LINC00632: variants seen among roughly 807,000 people sequenced by gnomAD.
LINC00632 encodes the protein long independently transcribed non-coding RNA 632, also known as ALDOA related specific transcript.
chrX:140,732,065 G>A (rs908639565), intron 2 of LINC00632, among the ~76,000 whole-genome samples: 18 of 110,917 alleles, frequency 1.6e-4, no homozygotes, highest in African/African-American at 4.6e-4. Context: ...TTAGCTGGGC[G>A]TGGTGGCAGG....
rs966161458 is a variant in LINC00632, at chrX:140,780,253, C to T, written n.8272C>T. Among the ~76,000 whole-genome samples, 6 of 111,691 alleles carry T rather than the reference C, an allele frequency of 5.4e-5. No individual in the cohort carries two copies. In the South Asian group the frequency reaches 1.5e-3, roughly 28 times the overall value. ...TATGCAACCAGAATATGAGAGTTTG[C>T]GCCTATCTTTGCAAAATTTTCACAC... On this transcript the variant is annotated non_coding_transcript_exon_variant, in exon 5 of 5. Transcript: ENST00000648200.
chrX:140,725,050 T>C (rs1285823589), intron 2 of LINC00632, among the ~76,000 whole-genome samples: 1 of 52,376 alleles, frequency 1.9e-5, no homozygotes, highest in Admixed American at 2.1e-4. Flanking sequence ...CACAGAATCA[T>C]TCCATACACA....
intron 3 of LINC00632, among the ~76,000 whole-genome samples, chrX:140,761,334 A>G (rs1931591344): frequency 8.9e-6 from 1 of 112,519 alleles, no homozygotes; most frequent in African/African-American, 3.2e-5. Context: ...GGCTGCTGTT[A>G]CAAGACAGAG....
chrX:140,753,564 T>G (rs143524672), intron 3 of LINC00632, among the ~76,000 whole-genome samples: 1,494 of 110,441 alleles, frequency 0.014, 24 homozygotes, highest in African/African-American at 0.046. Context: ...TTTCCAAGAC[T>G]TCTTCTGAAA....
At chrX:140,774,972 A>T (rs1931853932) in exon 5 of LINC00632, among the ~76,000 whole-genome samples, 1 of 111,979 alleles carries the variant, frequency 8.9e-6, no homozygotes, top group South Asian at 3.8e-4. Flanking sequence ...CGATCTCACC[A>T]GAAAGGATTA....
intron 2 of LINC00632, among the ~76,000 whole-genome samples, chrX:140,725,104 A>G (rs1310226344): frequency 9.1e-6 from 1 of 109,842 alleles, no homozygotes; most frequent in Non-Finnish European, 1.9e-5. Flanking sequence ...TGATACACAC[A>G]CACATTCCAT....
chrX:140,763,134 G>A (rs1034997490), intron 3 of LINC00632, among the ~76,000 whole-genome samples: 3 of 111,979 alleles, frequency 2.7e-5, no homozygotes, highest in African/African-American at 9.7e-5. Context: ...GGTGGCTCAC[G>A]CCTGTAATCC....
intron 2 of LINC00632, among the ~76,000 whole-genome samples, chrX:140,732,795 G>C (rs766330130): frequency 9.4e-6 from 1 of 106,888 alleles, no homozygotes; most frequent in Admixed American, 1.0e-4. Context: ...ACAGAGTCTT[G>C]CTCTGTCATC....
chrX:140,721,017 G>A (rs897127210), intron 2 of LINC00632, among the ~76,000 whole-genome samples: 41 of 110,616 alleles, frequency 3.7e-4, no homozygotes, highest in Non-Finnish European at 3.8e-5. Flanking sequence ...AACCCTAATT[G>A]CCCCATGTCA....
chrX:140,713,499 G>A (rs41304542), intron 2 of LINC00632: 18,387 of 337,014 alleles, frequency 0.055, 367 homozygotes, highest in South Asian at 0.086. Context: ...TGTAAGTGTT[G>A]TCTATTATTA....
chrX:140,774,489 T>C (rs1931847316), exon 5 of LINC00632, among the ~76,000 whole-genome samples: 1 of 111,543 alleles, frequency 9.0e-6, no homozygotes, highest in South Asian at 3.8e-4. Context: ...ACACAGATAG[T>C]TAAACCTTGG....
chrX:140,783,841 C>G, exon 5 of LINC00632: 1 of 1,209,899 alleles, frequency 8.3e-7, no homozygotes, highest in Non-Finnish European at 1.1e-6. Flanking sequence ...CAGTAACCTC[C>G]CAGTCTTCCA....
intron 2 of LINC00632, among the ~76,000 whole-genome samples, chrX:140,718,747 T>C (rs1930680863): frequency 8.9e-6 from 1 of 111,843 alleles, no homozygotes; most frequent in Non-Finnish European, 1.9e-5. Context: ...GAAGCATCTA[T>C]CATATAGAGT....
intron 3 of LINC00632, among the ~76,000 whole-genome samples, chrX:140,771,686 T>TA (rs35482755): frequency 0.4 from 26,567 of 66,619 alleles, 4,180 homozygotes; most frequent in African/African-American, 0.57. Context: ...TATATATATA[T>TA]TTTTTTTTTT....
At chrX:140,745,369 G>A (rs2045895494) in intron 3 of LINC00632, among the ~76,000 whole-genome samples, 1 of 110,542 alleles carries the variant, frequency 9.0e-6, no homozygotes, top group African/African-American at 3.3e-5. Context: ...CAGCACCTAT[G>A]TTTCATTTAA....
exon 5 of LINC00632, among the ~76,000 whole-genome samples, chrX:140,776,299 G>A (rs1931869807): frequency 8.9e-6 from 1 of 112,456 alleles, no homozygotes; most frequent in Non-Finnish European, 1.9e-5. Context: ...CCACCCCCTC[G>A]CCCATCATGC....
intron 3 of LINC00632, among the ~76,000 whole-genome samples, chrX:140,750,914 G>A (rs1931402157): frequency 1.8e-5 from 2 of 111,472 alleles, no homozygotes; most frequent in African/African-American, 6.5e-5. Flanking sequence ...TAGAATAATG[G>A]CCTCCAGCTG....
At position 140,768,858 on chromosome X, in the gene LINC00632, A is replaced by G. The variant is rs185617350; in HGVS notation, n.192-3220A>G. On this transcript the variant is annotated intron_variant and non_coding_transcript_variant, in intron 3 of 4. Coordinates refer to ENST00000648200, the Ensembl canonical transcript of LINC00632. ...TATATATTTGTACTAATATACATAC[A>G]CAAATACATATTAGTATAGGACCTA... is the stretch of plus-strand genomic sequence containing the variant. Among the ~76,000 whole-genome samples, 869 of 104,581 alleles carry G rather than the reference A, an allele frequency of 8.3e-3. 7 individuals carry two copies. The highest frequency in any genetic ancestry group is 0.028 in the African/African-American group (815 of 28,774). The allele number at this position is 104,581 out of a possible 115,157, so 90.8% of individuals were successfully genotyped here.
chrX:140,732,513 T>C (rs1441348031), intron 2 of LINC00632, among the ~76,000 whole-genome samples: 1 of 111,730 alleles, frequency 9.0e-6, no homozygotes, highest in Non-Finnish European at 1.9e-5. Flanking sequence ...TACACACACG[T>C]TGGCATGCAC....
Sources: gnomAD v4.1 joint callset for allele counts (sites outside exome capture counted in the v4.1 genomes callset) on GRCh38, gnomAD v4.1.1 for gene constraint, MANE v1.5 for transcripts, NCBI Gene and HGNC (gene_info 2026-07-23, HGNC 2026-07-21) for gene names.